Variants in FOCAD observed in about 807,000 individuals in gnomAD.
FOCAD encodes the protein focadhesin.
A neutral mutation model predicts 225.6 loss-of-function variants in FOCAD; 198 were observed. The ratio of observed to expected loss-of-function variants is 0.88; its 90% CI spans 0.78 to 0.99. The LOEUF is 0.99. Ranked by LOEUF, FOCAD falls within the 50% of genes least tolerant of loss-of-function variation. FOCAD has a pLI of 0.00. For synonymous variants in FOCAD, 897 were observed against 755.0 expected (o/e 1.19, Z -3.08); for missense variants, 2,713 against 2,123.6 (o/e 1.28, Z -5.46).
chr9:20,740,572 G>T (rs1827528172), intron 5 of FOCAD, among the ~76,000 whole-genome samples: 1 of 152,202 alleles, frequency 6.6e-6, no homozygotes, highest in Admixed American at 6.5e-5. Flanking sequence ...ATTTGGAATT[G>T]AAATCTTTTA....
At position 20,916,882 on chromosome 9, in the gene FOCAD, C is replaced by G; in HGVS notation, c.2808-11C>G. On this transcript the variant is annotated splice_polypyrimidine_tract_variant and intron_variant, in intron 23 of 43. Transcript: ENST00000338382. Reference sequence around the variant, plus strand: ...ACATAAACTCTCGTCTATTTTCCATCTTTATTGCAGGGTTAGAGACATGCT... The same window carrying G: ...ACATAAACTCTCGTCTATTTTCCATGTTTATTGCAGGGTTAGAGACATGCT... The G allele has an allele frequency of 1.9e-6, 3 of 1,599,320 alleles. No homozygotes were observed. Among genetic ancestry groups the G allele is most frequent in the Non-Finnish European group, 2.6e-6 (3 of 1,175,076 alleles).
At chr9:20,956,980 C>T (rs1298825103) in intron 35 of FOCAD, among the ~76,000 whole-genome samples, 1 of 152,106 alleles carries the variant, frequency 6.6e-6, no homozygotes, top group Non-Finnish European at 1.5e-5. Flanking sequence ...AGGTGTGAGC[C>T]ACCGTGCCTG....
At chr9:20,759,889 T>C (rs534268255) in intron 6 of FOCAD, among the ~76,000 whole-genome samples, 18 of 152,294 alleles carry the variant, frequency 1.2e-4, no homozygotes, top group African/African-American at 3.6e-4. Flanking sequence ...GTCTCTCCAT[T>C]AGAAAACTGC....
At chr9:20,819,419 G>T (rs1337496711) in intron 11 of FOCAD, among the ~76,000 whole-genome samples, 2 of 151,976 alleles carry the variant, frequency 1.3e-5, no homozygotes, top group African/African-American at 2.4e-5. Context: ...TTCCTGTGTT[G>T]CCCAGGCTGG....
chr9:20,918,578 G>A (rs1284471724), intron 24 of FOCAD, among the ~76,000 whole-genome samples: 4 of 152,138 alleles, frequency 2.6e-5, no homozygotes, highest in Non-Finnish European at 4.4e-5. Flanking sequence ...AAAAAAATTA[G>A]CCGGGCGTAA....
chr9:20,716,780 T>C (rs1825371984), intron 2 of FOCAD, among the ~76,000 whole-genome samples: 1 of 152,216 alleles, frequency 6.6e-6, no homozygotes, highest in Non-Finnish European at 1.5e-5. Flanking sequence ...ATGGCAGCAG[T>C]TGAGATACAG....
At position 20,815,123 on chromosome 9, in the gene FOCAD, G is replaced by GGTTTTTTTTTTTTTTTTTTTTTTTTTT. The variant is rs796702774; in HGVS notation, c.1456-4673_1456-4672insGTTTTTTTTTTTTTTTTTTTTTTTTTT. The stretch of plus-strand genomic sequence containing the variant: ...TCTGGAAATATCATTACTTCTCTTT[G>GGTTTTTTTTTTTTTTTTTTTTTTTTTT]TTTTTTTTTTTTTGTTTTTTTTTTT... On this transcript the variant is annotated intron_variant, in intron 11 of 43. Transcript: ENST00000338382. 6.4e-4 allele frequency among the ~76,000 whole-genome samples: 55 copies of GGTTTTTTTTTTTTTTTTTTTTTTTTTT among 85,382 alleles called. 13 individuals carry two copies. The highest frequency in any genetic ancestry group is 1.5e-3 in the East Asian group (5 of 3,358). 56.0% of individuals were successfully genotyped at this position (85,382 alleles called of 152,430 possible). A position where few individuals can be genotyped will look rare whatever the true frequency, so the allele number is the denominator to read the frequency against.
At chr9:20,955,492 T>C (rs923455806) in intron 35 of FOCAD, among the ~76,000 whole-genome samples, 1 of 150,490 alleles carries the variant, frequency 6.6e-6, no homozygotes, top group African/African-American at 2.4e-5. Flanking sequence ...TTTTAAATAA[T>C]TCAATTCATG....
intron 2 of FOCAD, among the ~76,000 whole-genome samples, chr9:20,662,704 T>C (rs7847880): frequency 0.86 from 130,589 of 152,074 alleles, 56,102 homozygotes; most frequent in Admixed American, 0.89. Context: ...CCTGCCTTGG[T>C]CTCCCAAAGT....
intron 1 of FOCAD, among the ~76,000 whole-genome samples, chr9:20,695,281 C>T (rs935135919): frequency 6.6e-6 from 1 of 152,088 alleles, no homozygotes; most frequent in East Asian, 1.9e-4. Context: ...GGTATTCTTA[C>T]TTTTAGTGAT....
At chr9:20,758,950 A>G (rs1016758103) in intron 6 of FOCAD, among the ~76,000 whole-genome samples, 14 of 152,280 alleles carry the variant, frequency 9.2e-5, no homozygotes, top group African/African-American at 3.1e-4. Flanking sequence ...TACAAAAATC[A>G]CAAGCATTCT....
chr9:20,763,016 C>G (rs1457307952), intron 6 of FOCAD, among the ~76,000 whole-genome samples: 6 of 152,186 alleles, frequency 3.9e-5, no homozygotes, highest in African/African-American at 1.4e-4. Flanking sequence ...AGGATCATAA[C>G]TGATTGTCTC....
intron 15 of FOCAD, among the ~76,000 whole-genome samples, chr9:20,845,721 C>T (rs549188624): frequency 7.2e-5 from 11 of 151,942 alleles, no homozygotes; most frequent in Non-Finnish European, 1.0e-4. Context: ...CTGTATTATA[C>T]GGGAGTGCTG....
At chr9:20,686,970 A>G (rs944261675) in intron 1 of FOCAD, among the ~76,000 whole-genome samples, 1 of 150,620 alleles carries the variant, frequency 6.6e-6, no homozygotes, top group Non-Finnish European at 1.5e-5. Flanking sequence ...AGTTTTTGTA[A>G]CCCTCTAAGT....
intron 37 of FOCAD, among the ~76,000 whole-genome samples, chr9:20,979,171 T>C (rs1840468011): frequency 6.6e-6 from 1 of 152,230 alleles, no homozygotes; most frequent in Non-Finnish European, 1.5e-5. Flanking sequence ...CATGATTCTT[T>C]AGAGGTTTAC....
chr9:20,789,430 C>T lies in FOCAD; in HGVS notation c.1277C>T (p.Thr426Ile). ...FTAWRILEVMTDSSAASDWLA... is the reference protein window; with the variant it reads ...FTAWRILEVMIDSSAASDWLA... Reference sequence around the variant, plus strand: ...GCCTGGAGGATTCTTGAAGTAATGACAGACTCGTCTGCTGCAAGTGACTGG... The same window carrying T: ...GCCTGGAGGATTCTTGAAGTAATGATAGACTCGTCTGCTGCAAGTGACTGG... Residue 426 changes from threonine to isoleucine, a missense_variant, in exon 11 of 44, where the codon ACA becomes ATA. Transcript: ENST00000338382. 6.2e-7 allele frequency: 1 copy of T among 1,614,000 alleles called. No individual in the cohort carries two copies. Among genetic ancestry groups the T allele is most frequent in the Non-Finnish European group, 8.5e-7 (1 of 1,179,958 alleles).
intron 5 of FOCAD, among the ~76,000 whole-genome samples, chr9:20,747,157 C>T (rs1340489566): frequency 6.6e-6 from 1 of 152,120 alleles, no homozygotes; most frequent in Non-Finnish European, 1.5e-5. Context: ...ACTGTGATGA[C>T]TACAAAATGG....
rs776227192 is a variant in FOCAD at position 20,981,608 on chromosome 9, C to G, written c.4560C>G (p.Pro1520=). 3 of 1,614,026 alleles carry G rather than the reference C, an allele frequency of 1.9e-6. No individual in the cohort carries two copies. The highest frequency in any genetic ancestry group is 2.5e-6 in the Non-Finnish European group (3 of 1,179,984). The change falls in exon 38 of 44, where the codon CCC becomes CCG. Residue 1520 remains proline, a synonymous_variant. Transcript: ENST00000338382. ...LHGLSQAMKL[P]SPAHHLWSLL... ...GTCTGAGCCAGGCCATGAAACTGCCCAGCCCTGCCCACCACCTCTGGAGTC... is the reference window on the plus strand; with the variant it reads ...GTCTGAGCCAGGCCATGAAACTGCCGAGCCCTGCCCACCACCTCTGGAGTC...
intron 11 of FOCAD, among the ~76,000 whole-genome samples, chr9:20,793,610 T>C (rs1447438038): frequency 6.6e-6 from 1 of 152,154 alleles, no homozygotes; most frequent in Non-Finnish European, 1.5e-5. Context: ...GGGTGTGTCA[T>C]TGAACAGCAA....
Sources: gnomAD v4.1 joint callset for allele counts (sites outside exome capture counted in the v4.1 genomes callset) on GRCh38, gnomAD v4.1.1 for gene constraint, MANE v1.5 for transcripts, NCBI Gene and HGNC (gene_info 2026-07-23, HGNC 2026-07-21) for gene names.